Variants in LIPK observed in about 807,000 individuals in gnomAD.
LIPK encodes the protein lipase member K.
A neutral mutation model predicts 48.6 loss-of-function variants in LIPK; 32 were observed. The ratio of observed to expected loss-of-function variants is 0.66; its 90% CI spans 0.50 to 0.88. The LOEUF is 0.88. Ranked by LOEUF, LIPK falls within the 40% of genes least tolerant of loss-of-function variation. The pLI, the probability that LIPK is intolerant of heterozygous loss-of-function variation, is 0.00. For synonymous variants in LIPK, 164 were observed against 157.4 expected, an observed-to-expected ratio of 1.04 and a Z score of -0.32; for missense variants, 507 against 478.5, an observed-to-expected ratio of 1.06 and a Z score of -0.56.
chr10:88,724,124 G>A (rs1053529852), intron 1 of LIPK, among the ~76,000 whole-genome samples: 1 of 152,054 alleles, frequency 6.6e-6, no homozygotes, highest in Non-Finnish European at 1.5e-5. Context: ...TTTCATAAAG[G>A]TTTTGCCAAT....
chr10:88,714,818 A>G (rs1017113070), intron 1 of LIPK, among the ~76,000 whole-genome samples: 2 of 151,942 alleles, frequency 1.3e-5, no homozygotes, highest in Non-Finnish European at 2.9e-5. Context: ...TTTTCCAAGG[A>G]CCAACTTTTG....
intron 3 of LIPK, chr10:88,728,777 T>G: frequency 4.7e-6 from 1 of 212,414 alleles, no homozygotes; most frequent in Non-Finnish European, 9.8e-6. Flanking sequence ...TGGCCTGGAC[T>G]TCTTCCAGTC....
intron 6 of LIPK, 110 bp from the exon 7 acceptor site, chr10:88,737,525 C>A: frequency 1.8e-6 from 2 of 1,093,520 alleles, no homozygotes; most frequent in Non-Finnish European, 2.7e-6. Flanking sequence ...TAAGGACCAA[C>A]ACTGAGCAGA....
chr10:88,738,065 C>G (rs1442170463), intron 7 of LIPK, among the ~76,000 whole-genome samples: 1 of 152,186 alleles, frequency 6.6e-6, no homozygotes, highest in African/African-American at 2.4e-5. Flanking sequence ...GTGCCTACGC[C>G]TTATGTCAGA....
intron 7 of LIPK, 93 bp downstream of exon 7, chr10:88,737,874 G>T: frequency 7.2e-7 from 1 of 1,382,712 alleles, no homozygotes; most frequent in African/African-American, 1.4e-5. Flanking sequence ...TGCAATTCAA[G>T]GTTTCCTTTT....
chr10:88,734,902 C>T (rs1764995140), intron 6 of LIPK, among the ~76,000 whole-genome samples: 1 of 152,224 alleles, frequency 6.6e-6, no homozygotes, highest in African/African-American at 2.4e-5. Flanking sequence ...CAGCCAGATG[C>T]TCGCAGGCAT....
chr10:88,742,181 C>A (rs1842691096), intron 8 of LIPK, among the ~76,000 whole-genome samples: 1 of 152,188 alleles, frequency 6.6e-6, no homozygotes. Flanking sequence ...TCTCCTCCCA[C>A]CAGGCCCCTC....
intron 9 of LIPK, among the ~76,000 whole-genome samples, chr10:88,744,663 G>A (rs1842738030): frequency 6.6e-6 from 1 of 152,184 alleles, no homozygotes; most frequent in African/African-American, 2.4e-5. Flanking sequence ...AAGATTAAAG[G>A]AATATCAGCC....
chr10:88,706,399 C>A (rs546154107), intron 1 of LIPK, among the ~76,000 whole-genome samples, 79 bp downstream of exon 1: 1 of 152,226 alleles, frequency 6.6e-6, no homozygotes, highest in African/African-American at 2.4e-5. Context: ...AGGGACAGAA[C>A]TTTACATGTT....
Position 88,737,631 on chromosome 10 carries a change from G to A in LIPK, c.670-4G>A. 6.2e-7 allele frequency: 1 copy of A among 1,613,092 alleles called. No individual in the cohort carries two copies. Among genetic ancestry groups the A allele is most frequent in the East Asian group, 2.2e-5 (1 of 44,868 alleles). On this transcript the variant is annotated splice_polypyrimidine_tract_variant and splice_region_variant and intron_variant, in intron 6 of 9. Transcript: ENST00000404190. ...ATTTGATGGTGTTTTAAATTATCTT[G>A]TAGGTGTTGTTTGGTGACAAAATGT...
intron 8 of LIPK, 104 bp from the exon 9 acceptor site, chr10:88,743,146 A>G: frequency 1.6e-6 from 1 of 631,034 alleles, no homozygotes; most frequent in African/African-American, 1.8e-5. Flanking sequence ...TTATGTTTCT[A>G]AAGACTGGGG....
At chr10:88,726,987 GT>G (rs1842356402) in intron 3 of LIPK, 75 bp downstream of exon 3, 2 of 863,784 alleles carry the variant, frequency 2.3e-6, no homozygotes, top group Admixed American at 4.9e-5. Context: ...AAGTCAAGCA[GT>G]TTTTGTTCTG....
At chr10:88,717,144 T>C (rs1842134832) in intron 1 of LIPK, among the ~76,000 whole-genome samples, 1 of 152,184 alleles carries the variant, frequency 6.6e-6, no homozygotes, top group African/African-American at 2.4e-5. Flanking sequence ...TGTCATCCAG[T>C]TCATTTAAAT....
intron 2 of LIPK, among the ~76,000 whole-genome samples, chr10:88,725,225 A>G (rs1341205185): frequency 6.6e-6 from 1 of 152,210 alleles, no homozygotes; most frequent in Non-Finnish European, 1.5e-5. Flanking sequence ...GAACCATAAA[A>G]AGAACGAAAC....
intron 8 of LIPK, among the ~76,000 whole-genome samples, chr10:88,740,656 G>A (rs1018382896): frequency 5.3e-5 from 8 of 152,234 alleles, no homozygotes; most frequent in African/African-American, 9.6e-5. Flanking sequence ...GCGCACACAC[G>A]TGCATGCACA....
intron 1 of LIPK, among the ~76,000 whole-genome samples, chr10:88,711,607 T>C (rs991525333): frequency 6.6e-6 from 1 of 152,144 alleles, no homozygotes; most frequent in South Asian, 2.1e-4. Context: ...TATGAGTAGC[T>C]GGGATTACAA....
rs143861606 is a variant in LIPK at position 88,725,137 on chromosome 10, T to C, written c.105+489T>C. On this transcript the variant is annotated intron_variant, in intron 2 of 9. Transcript: ENST00000404190. The stretch of plus-strand genomic sequence containing the variant: ...CAAATGACAAATATCTACTACAGAA[T>C]TCATTCAGATAATATACTCCATTCT... Among the ~76,000 whole-genome samples the C allele has an allele frequency of 1.6e-3, 247 of 152,354 alleles. 1 individual carries two copies. The highest frequency in any genetic ancestry group is 2.8e-3 in the Non-Finnish European group (192 of 68,032).
intron 2 of LIPK, among the ~76,000 whole-genome samples, chr10:88,726,096 C>G (rs2134720961): frequency 6.6e-6 from 1 of 152,170 alleles, no homozygotes; most frequent in South Asian, 2.1e-4. Context: ...CCTCTTCTTT[C>G]AAGTCTGTTT....
intron 9 of LIPK, among the ~76,000 whole-genome samples, chr10:88,745,388 G>A (rs569420095): frequency 3.9e-5 from 6 of 152,044 alleles, no homozygotes; most frequent in African/African-American, 1.4e-4. Context: ...GAGAGAAGGG[G>A]CAGTTCACCA....
Sources: gnomAD v4.1 joint callset for allele counts (sites outside exome capture counted in the v4.1 genomes callset) on GRCh38, gnomAD v4.1.1 for gene constraint, MANE v1.5 for transcripts, NCBI Gene and HGNC (gene_info 2026-07-23, HGNC 2026-07-21) for gene names.